Variants in ARHGAP27 observed in about 807,000 individuals in gnomAD.
ARHGAP27 encodes the protein rho GTPase-activating protein 27.
In ARHGAP27, 53 loss-of-function variants were observed where a neutral mutation model predicts 102.0. The observed-to-expected ratio is 0.52, with a 90% CI of 0.42 to 0.65. The LOEUF (loss-of-function observed/expected upper bound fraction) is 0.65. ARHGAP27 is among the 30% of genes least tolerant of loss of function. The pLI, the probability that ARHGAP27 is intolerant of heterozygous loss-of-function variation, is 0.00. For missense variants in ARHGAP27, 1,117 were observed against 1,256.2 expected, an observed-to-expected ratio of 0.89 and a Z score of 1.68; for synonymous variants, 525 against 542.8, an observed-to-expected ratio of 0.97 and a Z score of 0.46.
chr17:45,416,980 C>G (rs2144828834), intron 4 of ARHGAP27, among the ~76,000 whole-genome samples: 1 of 150,456 alleles, frequency 6.6e-6, no homozygotes, highest in African/African-American at 2.4e-5. Context: ...CATGGAGAAA[C>G]CCCGTCTCTA....
chr17:45,405,041 G>A lies in ARHGAP27; in HGVS notation c.1131C>T (p.Pro377=), dbSNP rs2046964299. The stretch of plus-strand genomic sequence containing the variant: ...GGCCGGGCTCACCGAAAGAGCCCAC[G>A]GGAGAATAGTCCTCCTCGGGGTAAC... ...LTSYPEEDYS[P]VGSFGEPGPT... Residue 377 remains proline (P), a synonymous_variant, in exon 6 of 20, where the codon CCC becomes CCT. Transcript: ENST00000685559. 3 of 1,613,500 alleles carry A rather than the reference G, an allele frequency of 1.9e-6. No individual in the cohort carries two copies. The highest frequency in any genetic ancestry group is 1.7e-6 in the Non-Finnish European group (2 of 1,179,630).
At chr17:45,426,029 G>A (rs572051260) in intron 4 of ARHGAP27, among the ~76,000 whole-genome samples, 5 of 152,248 alleles carry the variant, frequency 3.3e-5, no homozygotes, top group Admixed American at 6.5e-5. Context: ...GGCTGGGCAC[G>A]CAGGACGCTC....
rs2049760440 is a variant in ARHGAP27, at chr17:45,427,781, C to T, written c.657+1842G>A. On this transcript the variant is annotated intron_variant, in intron 4 of 19. Coordinates refer to ENST00000685559, the MANE Select transcript of ARHGAP27 (RefSeq NM_001282290.2). The surrounding 1 kb of genome is among the most constrained non-coding windows in gnomAD (Gnocchi z 4.5). ...CTGTCTCTGGCCAATGTCCTAGATT[C>T]CCCCCCTGGGTAAGTCCCCTACCCC... Among the ~76,000 whole-genome samples, 1 of 152,118 alleles carries T rather than the reference C, an allele frequency of 6.6e-6. No homozygotes were observed. Among genetic ancestry groups the T allele is most frequent in the Non-Finnish European group, 1.5e-5 (1 of 68,010 alleles).
intron 11 of ARHGAP27, among the ~76,000 whole-genome samples, chr17:45,403,250 C>A (rs1422299676): frequency 6.6e-6 from 1 of 152,186 alleles, no homozygotes; most frequent in African/African-American, 2.4e-5. Context: ...CTGGTCATCT[C>A]CAAGCCAGAT....
At chr17:45,402,097 T>C (rs2046506203) in intron 12 of ARHGAP27, among the ~76,000 whole-genome samples, 1 of 152,152 alleles carries the variant, frequency 6.6e-6, no homozygotes, top group Admixed American at 6.5e-5. Context: ...GGGGGTAGCA[T>C]GGTAGTCTTC....
In ARHGAP27 at chr17:45,405,064, AACTG is replaced by A; in HGVS notation, c.1104_1107del (p.Ser369ThrfsTer21). On this transcript the variant is annotated frameshift_variant, in exon 6 of 20. Coordinates refer to ENST00000685559, the MANE Select transcript of ARHGAP27 (RefSeq NM_001282290.2). LOFTEE classifies it high-confidence loss of function. ...ACGGGAGAATAGTCCTCCTCGGGGT[AACTG>A]GTCAGCGACTCGGGGTAGTCCGTCT... 1.9e-6 allele frequency: 3 copies of A among 1,608,084 alleles called. 1 individual carries two copies. The South Asian group carries it at 3.3e-5, about 18-fold the overall frequency.
At chr17:45,422,433 T>C (rs960915256) in intron 4 of ARHGAP27, among the ~76,000 whole-genome samples, 3 of 151,002 alleles carry the variant, frequency 2.0e-5, no homozygotes, top group Admixed American at 6.6e-5. Flanking sequence ...AACAAAACAG[T>C]GATGTGACAT....
chr17:45,403,183 C>T (rs1441669178), intron 11 of ARHGAP27, among the ~76,000 whole-genome samples: 1 of 152,218 alleles, frequency 6.6e-6, no homozygotes, highest in African/African-American at 2.4e-5. Flanking sequence ...CTGCCAGTAT[C>T]ACCCCCTTCC....
At chr17:45,418,200 C>T (rs1313320433) in intron 4 of ARHGAP27, among the ~76,000 whole-genome samples, 4 of 150,110 alleles carry the variant, frequency 2.7e-5, no homozygotes, top group Non-Finnish European at 5.9e-5. Context: ...CCGCTTCGGC[C>T]TCCCAAAGTG....
chr17:45,404,667 CT>C lies in ARHGAP27; in HGVS notation c.1262del (p.Glu421GlyfsTer72). 1 of 1,612,316 alleles carries C rather than the reference CT, an allele frequency of 6.2e-7. No homozygotes were observed. The highest frequency in any genetic ancestry group is 8.5e-7 in the Non-Finnish European group (1 of 1,179,508). On this transcript the variant is annotated frameshift_variant, in exon 7 of 20. Transcript: ENST00000685559. LOFTEE classifies it high-confidence loss of function. Reference protein sequence around the residue: ...HFTQEQWVRLEDPHGKPYFYN... With the variant: ...HFTQEQWVRLXDPHGKPYFYN... ...AGAAGTATGGCTTCCCGTGGGGGTCCTCCAGCCTCACCCACTGTGGGGAGAG... is the reference window on the plus strand; with the variant it reads ...AGAAGTATGGCTTCCCGTGGGGGTCCCCAGCCTCACCCACTGTGGGGAGAG...
intron 6 of ARHGAP27, 57 bp from the exon 7 acceptor site, chr17:45,404,738 G>C: frequency 6.4e-7 from 1 of 1,561,406 alleles, no homozygotes; most frequent in Non-Finnish European, 8.7e-7. Flanking sequence ...GGGAGGAAAA[G>C]TTTCCCTCTA....
intron 4 of ARHGAP27, among the ~76,000 whole-genome samples, chr17:45,429,109 G>C (rs2049851799): frequency 6.6e-6 from 1 of 152,232 alleles, no homozygotes; most frequent in Non-Finnish European, 1.5e-5. Flanking sequence ...AGACTCCTGG[G>C]AGACGGGCAA....
intron 4 of ARHGAP27, among the ~76,000 whole-genome samples, chr17:45,416,358 G>A (rs966766690): frequency 1.4e-4 from 21 of 151,456 alleles, no homozygotes; most frequent in African/African-American, 5.1e-4. Flanking sequence ...CCAGCCTCAT[G>A]CTGAAGTTTT....
chr17:45,421,097 G>T (rs2048994233), intron 4 of ARHGAP27, among the ~76,000 whole-genome samples: 2 of 140,180 alleles, frequency 1.4e-5, no homozygotes, highest in Admixed American at 7.8e-5. Flanking sequence ...AGTACAACAA[G>T]AATGAAATAA....
intron 4 of ARHGAP27, among the ~76,000 whole-genome samples, chr17:45,420,782 G>A (rs1232955802): frequency 7.3e-5 from 11 of 151,570 alleles, no homozygotes; most frequent in Admixed American, 2.6e-4. Context: ...GTGAAACCCC[G>A]TCTCTACTAA....
rs1158696465 is a variant in ARHGAP27 at position 45,429,998 on chromosome 17, G to A, written c.282C>T (p.Asp94=). 2 of 1,184,620 alleles carry A rather than the reference G, an allele frequency of 1.7e-6. No homozygotes were observed. Among genetic ancestry groups the A allele is most frequent in the Non-Finnish European group, 2.1e-6 (2 of 959,418 alleles). 73.4% of individuals were successfully genotyped at this position (1,184,620 alleles called of 1,614,324 possible). A position where few individuals can be genotyped will look rare whatever the true frequency, so the allele number is the denominator to read the frequency against. ...TCGCCGCCGCGCTCACAAACCGGTAGTCGTAGGCGAGCGGCTCAGGGGCCG... is the reference window on the plus strand; with the variant it reads ...TCGCCGCCGCGCTCACAAACCGGTAATCGTAGGCGAGCGGCTCAGGGGCCG... The part of the protein sequence containing the change: ...SPAAPEPLAY[D]YRFVSAAATA... The change falls in exon 4 of 20, where the codon GAC becomes GAT. Residue 94 remains aspartate (D), a synonymous_variant. Transcript: ENST00000685559.
At chr17:45,419,130 C>T (rs1290486197) in intron 4 of ARHGAP27, among the ~76,000 whole-genome samples, 2 of 152,080 alleles carry the variant, frequency 1.3e-5, no homozygotes, top group Non-Finnish European at 2.9e-5. Flanking sequence ...ACAGCCGGGA[C>T]CCAGGACGCA....
At chr17:45,405,567 G>T in intron 5 of ARHGAP27, 109 bp downstream of exon 5, 3 of 733,614 alleles carry the variant, frequency 4.1e-6, no homozygotes, top group Non-Finnish European at 6.0e-6. Context: ...AGGTAGCCCC[G>T]CCCACCCATC....
intron 4 of ARHGAP27, among the ~76,000 whole-genome samples, chr17:45,411,264 A>G (rs2047878372): frequency 6.6e-6 from 1 of 151,848 alleles, no homozygotes; most frequent in Non-Finnish European, 1.5e-5. Context: ...CTCTGAGCCC[A>G]TGGGTCCATC....
Sources: allele counts gnomAD v4.1 joint callset (sites outside exome capture counted in the v4.1 genomes callset), GRCh38; gene constraint gnomAD v4.1.1; non-coding constraint Gnocchi (gnomAD v3.1); transcripts MANE v1.5; gene names NCBI Gene and HGNC (gene_info 2026-07-23, HGNC 2026-07-21).